PTPN12: variants seen among roughly 807,000 people sequenced by gnomAD.
The protein encoded by PTPN12 is protein tyrosine phosphatase non-receptor type 12, also known as tyrosine-protein phosphatase non-receptor type 12.
In PTPN12, 29 loss-of-function variants were observed where a neutral mutation model predicts 97.6. The observed-to-expected ratio is 0.30, with a 90% CI of 0.22 to 0.41. The LOEUF is 0.41. Ranked by LOEUF, PTPN12 falls within the 10% of genes least tolerant of loss-of-function variation. The probability of loss-of-function intolerance (pLI) is 1.00; values close to 1 mark genes in which losing one functional copy is unlikely to be tolerated. For missense variants in PTPN12, 819 were observed against 926.0 expected, an observed-to-expected ratio of 0.88 and a Z score of 1.50; for synonymous variants, 327 against 300.4, an observed-to-expected ratio of 1.09 and a Z score of -0.91.
chr7:77,572,522 C>T (rs1787179858), intron 2 of PTPN12, among the ~76,000 whole-genome samples: 1 of 149,820 alleles, frequency 6.7e-6, no homozygotes, highest in South Asian at 2.1e-4. Context: ...TTCTTTGCCT[C>T]AATTTAATCC....
intron 2 of PTPN12, among the ~76,000 whole-genome samples, chr7:77,576,199 CGAT>C (rs1787337695): frequency 6.6e-6 from 1 of 152,000 alleles, no homozygotes; most frequent in Non-Finnish European, 1.5e-5. Context: ...TAGCATGCAT[CGAT>C]AGTTCATTCC....
chr7:77,567,916 G>T (rs1808325703), intron 1 of PTPN12, among the ~76,000 whole-genome samples: 1 of 152,138 alleles, frequency 6.6e-6, no homozygotes, highest in Non-Finnish European at 1.5e-5. Context: ...TATGTTAATT[G>T]TCACACAGCT....
At chr7:77,544,684 C>G (rs1010308385) in intron 1 of PTPN12, among the ~76,000 whole-genome samples, 1 of 152,156 alleles carries the variant, frequency 6.6e-6, no homozygotes, top group Non-Finnish European at 1.5e-5. Flanking sequence ...TCATTAGATT[C>G]ATAAATATTT....
At chr7:77,545,324 T>G (rs1326082286) in intron 1 of PTPN12, among the ~76,000 whole-genome samples, 1 of 152,192 alleles carries the variant, frequency 6.6e-6, no homozygotes, top group African/African-American at 2.4e-5. Context: ...TGGCAGCATC[T>G]GTAGGCTAAT....
intron 2 of PTPN12, 116 bp from the exon 3 acceptor site, chr7:77,581,311 T>A (rs1184658529): frequency 2.6e-5 from 14 of 547,836 alleles, no homozygotes; most frequent in Non-Finnish European, 2.8e-5. Context: ...GAGTCCATTT[T>A]CATCCATTGT....
chr7:77,552,284 A>G (rs1183225551), intron 1 of PTPN12, among the ~76,000 whole-genome samples: 1 of 149,354 alleles, frequency 6.7e-6, no homozygotes, highest in Non-Finnish European at 1.5e-5. Context: ...TCCCTGGTGG[A>G]TTACTTTTAA....
chr7:77,601,908 T>C (rs1343448335), intron 8 of PTPN12, among the ~76,000 whole-genome samples: 1 of 152,174 alleles, frequency 6.6e-6, no homozygotes, highest in African/African-American at 2.4e-5. Context: ...TTATTATGTT[T>C]TATAGTAGAT....
chr7:77,617,776 C>T (rs1435298714), intron 11 of PTPN12, among the ~76,000 whole-genome samples: 1 of 150,182 alleles, frequency 6.7e-6, no homozygotes, highest in Non-Finnish European at 1.5e-5. Flanking sequence ...CACCGCTCCC[C>T]TATTCACAGT....
chr7:77,621,884 T>C (rs768119072), intron 12 of PTPN12, among the ~76,000 whole-genome samples: 7 of 152,218 alleles, frequency 4.6e-5, no homozygotes, highest in Non-Finnish European at 7.3e-5. Context: ...CACCATGTTA[T>C]GTGTGGCCCA....
chr7:77,556,283 G>T (rs1045222676), intron 1 of PTPN12, among the ~76,000 whole-genome samples: 2 of 151,950 alleles, frequency 1.3e-5, no homozygotes, highest in Non-Finnish European at 2.9e-5. Flanking sequence ...GGCTGGTCTC[G>T]AACTCCTGGG....
chr7:77,559,337 T>C (rs1243527147), intron 1 of PTPN12, among the ~76,000 whole-genome samples: 1 of 152,228 alleles, frequency 6.6e-6, no homozygotes, highest in Non-Finnish European at 1.5e-5. Context: ...CTGTGATAAA[T>C]TATAGCTCTG....
intron 11 of PTPN12, 81 bp downstream of exon 11, chr7:77,611,127 T>C (rs1188738857): frequency 4.5e-6 from 5 of 1,104,760 alleles, no homozygotes; most frequent in Non-Finnish European, 5.4e-6. Flanking sequence ...TTTGTTGTCT[T>C]GTGTTTTGTC....
chr7:77,625,961 G>A (rs1688246642), intron 12 of PTPN12, among the ~76,000 whole-genome samples: 1 of 152,106 alleles, frequency 6.6e-6, no homozygotes, highest in African/African-American at 2.4e-5. Context: ...ATGAGACCTG[G>A]GAAACAGGAG....
chr7:77,565,107 G>A (rs566419788), intron 1 of PTPN12, among the ~76,000 whole-genome samples: 17 of 144,432 alleles, frequency 1.2e-4, no homozygotes, highest in Non-Finnish European at 1.9e-4. Context: ...TTGAGGCAGT[G>A]GTGTGTGGTC....
intron 2 of PTPN12, among the ~76,000 whole-genome samples, chr7:77,578,273 C>T (rs577140939): frequency 1.2e-3 from 182 of 152,318 alleles, no homozygotes; most frequent in African/African-American, 4.2e-3. Context: ...TGTAGTTATT[C>T]AGCCATCATT....
At chr7:77,546,871 A>C (rs1443530746) in intron 1 of PTPN12, among the ~76,000 whole-genome samples, 1 of 152,212 alleles carries the variant, frequency 6.6e-6, no homozygotes, top group Non-Finnish European at 1.5e-5. Flanking sequence ...TTGTAAAACC[A>C]TCAGATCTTG....
chr7:77,637,941 TA>T (rs1156290903), intron 16 of PTPN12, among the ~76,000 whole-genome samples: 5,378 of 94,874 alleles, frequency 0.057, 1,395 homozygotes, highest in African/African-American at 0.14. Flanking sequence ...GTTGATTTCT[TA>T]AAATTTTTTT....
At chr7:77,596,136 GATATTTT>G (rs1157515433) in intron 6 of PTPN12, among the ~76,000 whole-genome samples, 1 of 152,140 alleles carries the variant, frequency 6.6e-6, no homozygotes, top group East Asian at 1.9e-4. Context: ...CTACTTTGCA[GATATTTT>G]ATTGGGTGGT....
At chr7:77,548,135 T>C (rs546528132) in intron 1 of PTPN12, among the ~76,000 whole-genome samples, 2 of 152,334 alleles carry the variant, frequency 1.3e-5, no homozygotes, top group African/African-American at 4.8e-5. Context: ...CTCTCTCTGT[T>C]TACACAGTTC....
Sources: gnomAD v4.1 joint callset for allele counts (sites outside exome capture counted in the v4.1 genomes callset) on GRCh38, gnomAD v4.1.1 for gene constraint, MANE v1.5 for transcripts, NCBI Gene and HGNC (gene_info 2026-07-23, HGNC 2026-07-21) for gene names.